HLCS: variants seen among roughly 807,000 people sequenced by gnomAD.
HLCS encodes biotin--protein ligase.
Under a neutral mutation model 75.0 loss-of-function variants are expected in HLCS, and 53 were observed. That is an observed-to-expected ratio of 0.71 (90% CI 0.57 to 0.89). HLCS has a LOEUF of 0.89. Among genes scored for constraint, HLCS ranks in the 40% least tolerant of loss-of-function variants. HLCS has a pLI of 0.00. For missense variants in HLCS, 966 were observed against 1,074.0 expected (o/e 0.90, Z 1.41); for synonymous variants, 431 against 428.6 (o/e 1.01, Z -0.07).
At chr21:36,814,940 TGG>T (rs1208849293) in intron 6 of HLCS, among the ~76,000 whole-genome samples, 2 of 146,878 alleles carry the variant, frequency 1.4e-5, no homozygotes, top group South Asian at 2.2e-4. Context: ...GGTGGAGGAG[TGG>T]GGGCCCTGTG....
At chr21:36,770,310 C>A (rs549471863) in intron 6 of HLCS, among the ~76,000 whole-genome samples, 1 of 152,120 alleles carries the variant, frequency 6.6e-6, no homozygotes, top group East Asian at 1.9e-4. Context: ...CCATGCCCAA[C>A]AAATTTTTGT....
At chr21:36,883,126 CA>C in intron 6 of HLCS, among the ~76,000 whole-genome samples, 1 of 152,242 alleles carries the variant, frequency 6.6e-6, no homozygotes, top group East Asian at 1.9e-4. Flanking sequence ...TGCTTCTCTC[CA>C]AAACAAAAAG....
intron 6 of HLCS, among the ~76,000 whole-genome samples, chr21:36,795,246 G>A (rs778418110): frequency 3.3e-5 from 5 of 152,070 alleles, no homozygotes; most frequent in Non-Finnish European, 5.9e-5. Flanking sequence ...CACTGGAACC[G>A]CAAAAAAGAG....
chr21:36,911,788 G>A (rs985139773), intron 5 of HLCS, among the ~76,000 whole-genome samples: 2 of 147,650 alleles, frequency 1.4e-5, no homozygotes, highest in African/African-American at 5.0e-5. Flanking sequence ...AACAGAGAGG[G>A]CCGGGCGCGG....
chr21:36,906,681 T>A (rs976098291), intron 5 of HLCS, among the ~76,000 whole-genome samples: 1 of 151,810 alleles, frequency 6.6e-6, no homozygotes, highest in East Asian at 1.9e-4. Context: ...AGAAGGCTTT[T>A]TTTTTTTTTT....
intron 6 of HLCS, among the ~76,000 whole-genome samples, chr21:36,812,732 A>C (rs1370262141): frequency 6.6e-6 from 1 of 152,092 alleles, no homozygotes; most frequent in Admixed American, 6.5e-5. Context: ...AAAATACTAA[A>C]TTTTTCACCT....
chr21:36,885,096 C>G (rs937478295), intron 6 of HLCS, among the ~76,000 whole-genome samples: 8 of 152,134 alleles, frequency 5.3e-5, no homozygotes, highest in Non-Finnish European at 1.0e-4. Flanking sequence ...GTTTTCTCAT[C>G]TTTCAAAAAA....
chr21:36,950,494 T>A (rs1028017657), intron 2 of HLCS, among the ~76,000 whole-genome samples: 10 of 151,056 alleles, frequency 6.6e-5, no homozygotes, highest in Non-Finnish European at 1.3e-4. Context: ...GAAGACAGGG[T>A]CTCACAGCTT....
Position 36,947,677 on chromosome 21 carries a change from T to C in HLCS, c.331-8683A>G, listed in dbSNP as rs961908640. The C allele has an allele frequency of 1.1e-5, 11 of 985,288 alleles. No homozygotes were observed. In the African/African-American group the frequency reaches 1.2e-4, roughly 11 times the overall value. The allele number at this position is 985,288 out of a possible 1,614,324, so 61.0% of individuals were successfully genotyped here. On this transcript the variant is annotated intron_variant, in intron 2 of 10. Transcript: ENST00000674895. ...TAAAGCTCTTGACTTGATGTTACAA[T>C]GTATGGCAGCAGGCAAGGCATATCT... is the stretch of plus-strand genomic sequence containing the variant.
chr21:36,833,134 G>A (rs1320471565), intron 6 of HLCS, among the ~76,000 whole-genome samples: 1 of 151,718 alleles, frequency 6.6e-6, no homozygotes, highest in African/African-American at 2.4e-5. Context: ...GATCCTCCCA[G>A]CTCAGCTTCC....
At chr21:36,770,978 G>T (rs991641909) in intron 6 of HLCS, among the ~76,000 whole-genome samples, 14 of 152,138 alleles carry the variant, frequency 9.2e-5, no homozygotes, top group African/African-American at 3.4e-4. Context: ...CCAGCACTTT[G>T]CGAGGCCGAG....
intron 5 of HLCS, among the ~76,000 whole-genome samples, chr21:36,903,172 A>G (rs1299865656): frequency 6.6e-6 from 1 of 152,190 alleles, no homozygotes; most frequent in Non-Finnish European, 1.5e-5. Flanking sequence ...CTATCACAGT[A>G]CTAATTTTCG....
chr21:36,798,845 G>A (rs2061109457), intron 6 of HLCS, among the ~76,000 whole-genome samples: 1 of 152,114 alleles, frequency 6.6e-6, no homozygotes, highest in Non-Finnish European at 1.5e-5. Context: ...TTGCTGAAGT[G>A]TCTTTTCAAA....
intron 6 of HLCS, among the ~76,000 whole-genome samples, chr21:36,883,854 A>G (rs1288235957): frequency 6.6e-6 from 1 of 152,178 alleles, no homozygotes; most frequent in Non-Finnish European, 1.5e-5. Flanking sequence ...GGATGAACAA[A>G]TGCACTCAGA....
chr21:36,831,919 G>A (rs1384968082), intron 6 of HLCS, among the ~76,000 whole-genome samples: 2 of 152,048 alleles, frequency 1.3e-5, no homozygotes, highest in Non-Finnish European at 2.9e-5. Context: ...CCTGCCCTGA[G>A]CTAATAGCAT....
rs755088995 is a variant in HLCS, at chr21:36,765,060, C to T, written c.2073G>A (p.Leu691=). The change falls in exon 8 of 11, where the codon CTG becomes CTA. Residue 691 remains leucine (L), a synonymous_variant. Transcript: ENST00000674895. The part of the protein sequence containing the change: ...LGQRIPFVQH[L]MSVAVVEAVR... ...CTGCTTCCACGACAGCCACGGACATCAGATGCTGGACAAACGGGATCCTCT... is the reference window on the plus strand; with the variant it reads ...CTGCTTCCACGACAGCCACGGACATTAGATGCTGGACAAACGGGATCCTCT... 6.2e-7 allele frequency: 1 copy of T among 1,614,242 alleles called. No individual in the cohort carries two copies. The highest frequency in any genetic ancestry group is 1.7e-5 in the Admixed American group (1 of 60,034).
chr21:36,885,401 G>A (rs995384280), intron 6 of HLCS, among the ~76,000 whole-genome samples: 34 of 151,840 alleles, frequency 2.2e-4, no homozygotes, highest in Admixed American at 1.1e-3. Flanking sequence ...CCAGCTACTC[G>A]GGACGCTGAG....
intron 5 of HLCS, among the ~76,000 whole-genome samples, chr21:36,904,545 T>C (rs28393024): frequency 2.2e-4 from 33 of 152,274 alleles, no homozygotes; most frequent in Non-Finnish European, 4.0e-4. Context: ...AACATAACTA[T>C]ATACCACCCA....
intron 6 of HLCS, among the ~76,000 whole-genome samples, chr21:36,846,434 G>A (rs2062802417): frequency 6.6e-6 from 1 of 152,046 alleles, no homozygotes; most frequent in African/African-American, 2.4e-5. Context: ...CTAGACTGGT[G>A]TTTCCAACCA....
Sources: gnomAD v4.1 joint callset for allele counts (sites outside exome capture counted in the v4.1 genomes callset) on GRCh38, gnomAD v4.1.1 for gene constraint, MANE v1.5 for transcripts, NCBI Gene and HGNC (gene_info 2026-07-23, HGNC 2026-07-21) for gene names.